Variants in PLPPR2 observed in about 807,000 individuals in gnomAD.
PLPPR2 encodes phospholipid phosphatase related 2.
PLPPR2 carries 11 observed loss-of-function variants against 40.3 expected under a neutral mutation model. The ratio of observed to expected loss-of-function variants is 0.27; its 90% CI spans 0.17 to 0.45. PLPPR2 has a LOEUF of 0.45. Among genes scored for constraint, PLPPR2 ranks in the 20% least tolerant of loss-of-function variants. The probability of loss-of-function intolerance (pLI) is 1.00; values close to 1 mark genes in which losing one functional copy is unlikely to be tolerated. For synonymous variants in PLPPR2, 260 were observed against 290.8 expected, an observed-to-expected ratio of 0.89 and a Z score of 1.08; for missense variants, 497 against 640.7, an observed-to-expected ratio of 0.78 and a Z score of 2.42.
Position 11,361,391 on chromosome 19 carries a change from G to A in PLPPR2, c.566G>A (p.Gly189Asp), listed in dbSNP as rs777151482. The change falls in exon 6 of 10, where the codon GGT (glycine) becomes GAT (aspartate). Residue 189 changes from glycine to aspartate, a missense_variant. Physicochemically the swap from Gly to Asp is moderately conservative, Grantham distance 94. Transcript: ENST00000688289. The surrounding 1 kb of genome is among the most constrained non-coding windows in gnomAD (Gnocchi z 6.3). The part of the protein sequence containing the change: ...PGPDRFVTDQ[G>D]ACAGSPSLVA... ...CCCGACCGCTTTGTCACTGACCAGGGTGCCTGCGCTGGCAGTCCCAGCCTC... is the reference window on the plus strand; with the variant it reads ...CCCGACCGCTTTGTCACTGACCAGGATGCCTGCGCTGGCAGTCCCAGCCTC... The A allele has an allele frequency of 6.2e-7, 1 of 1,610,582 alleles. No homozygotes were observed. The highest frequency in any genetic ancestry group is 1.1e-5 in the South Asian group (1 of 91,080).
At position 11,362,738 on chromosome 19, in the gene PLPPR2, TC is replaced by T; in HGVS notation, c.840+50del. 1 of 1,578,690 alleles carries T rather than the reference TC, an allele frequency of 6.3e-7. No individual in the cohort carries two copies. The highest frequency in any genetic ancestry group is 8.6e-7 in the Non-Finnish European group (1 of 1,160,326). On this transcript the variant is annotated intron_variant, in intron 7 of 9. Coordinates refer to ENST00000688289, the MANE Select transcript of PLPPR2 (RefSeq NM_001393892.1). This position sits in a 1 kb window ranked among gnomAD's most constrained non-coding sequence, Gnocchi z 5.3. ...CAGCATGGAAGACCCTCACCAGCTC[TC>T]TGACCCAAGAGGCAGGACCACATGA... is the stretch of plus-strand genomic sequence containing the variant.
rs1164607227 is a variant in PLPPR2, at chr19:11,362,399, GCCACTCCCT to G, written c.664-110_664-102del. On this transcript the variant is annotated intron_variant, in intron 6 of 9. Transcript: ENST00000688289. This position sits in a 1 kb window ranked among gnomAD's most constrained non-coding sequence, Gnocchi z 5.3. ...CATGACTCCAACCCTGGAGCCCCTG[GCCACTCCCT>G]CCAGCCCCAACGCTCTGGCCATGCG... The G allele has an allele frequency of 7.5e-7, 1 of 1,332,850 alleles. No homozygotes were observed. The highest frequency in any genetic ancestry group is 1.0e-6 in the Non-Finnish European group (1 of 956,540). The allele number at this position is 1,332,850 out of a possible 1,614,324, so 82.6% of individuals were successfully genotyped here.
chr19:11,364,810 T>C lies in PLPPR2; in HGVS notation c.*120T>C, dbSNP rs1968151100. ...CCCCAAGCCAGCCAGACCCAGACAT[T>C]AGAAGATGGCTAGAAGGACATTTAG... On this transcript the variant is annotated 3_prime_UTR_variant, in exon 10 of 10. Transcript: ENST00000688289. This position sits in a 1 kb window ranked among gnomAD's most constrained non-coding sequence, Gnocchi z 5.8. 1.8e-6 allele frequency: 2 copies of C among 1,133,738 alleles called. No homozygotes were observed. Among genetic ancestry groups the C allele is most frequent in the Non-Finnish European group, 2.5e-6 (2 of 799,962 alleles). 70.2% of individuals were successfully genotyped at this position (1,133,738 alleles called of 1,614,324 possible).
In PLPPR2 at chr19:11,359,946, C is replaced by A. The variant is rs201158510; in HGVS notation, c.381C>A (p.Val127=). The change falls in exon 5 of 10, where the codon GTC becomes GTA. Residue 127 remains valine, a synonymous_variant. Transcript: ENST00000688289. This position sits in a 1 kb window ranked among gnomAD's most constrained non-coding sequence, Gnocchi z 5.6. ...TCAGCCCCCCAGTGCGGAGGCTGGT[C>A]CGCTTCCTGGGTGAGAGACATGGCC... ...CRFSPPVRRL[V]RFLGVYSFGL... is the part of the protein sequence containing the mutation. 2 of 1,605,722 alleles carry A rather than the reference C, an allele frequency of 1.2e-6. No individual in the cohort carries two copies. Among genetic ancestry groups the A allele is most frequent in the Admixed American group, 1.7e-5 (1 of 59,750 alleles).
In PLPPR2 at chr19:11,365,035, G is replaced by T; in HGVS notation, c.*345G>T. 1 of 337,916 alleles carries T rather than the reference G, an allele frequency of 3.0e-6. No individual in the cohort carries two copies. The highest frequency in any genetic ancestry group is 5.4e-6 in the Non-Finnish European group (1 of 184,294). The allele number at this position is 337,916 out of a possible 1,614,324, so 20.9% of individuals were successfully genotyped here. On this transcript the variant is annotated 3_prime_UTR_variant, in exon 10 of 10. Transcript: ENST00000688289. Reference sequence around the variant, plus strand: ...ATGGGAGCCTTCCCCTCACTTCTTAGAATCCTCCTGCAAGAGGGCAACTCC... The same window carrying T: ...ATGGGAGCCTTCCCCTCACTTCTTATAATCCTCCTGCAAGAGGGCAACTCC...
rs1000754772 is a variant in PLPPR2 at position 11,357,695 on chromosome 19, C to T, written c.22C>T (p.Leu8=). The T allele has an allele frequency of 6.2e-7, 1 of 1,607,516 alleles. No homozygotes were observed. The highest frequency in any genetic ancestry group is 8.5e-7 in the Non-Finnish European group (1 of 1,176,678). MAGGRPH[L]KRSFSIIPCF... ...CACCATGGCGGGAGGGAGACCGCAT[C>T]TGAAGAGGAGTTTCTCCATCATCCC... Residue 8 remains leucine, a synonymous_variant, in exon 3 of 10, where the codon CTG becomes TTG. Coordinates refer to ENST00000688289, the MANE Select transcript of PLPPR2 (RefSeq NM_001393892.1).
At chr19:11,360,024 A>G (rs776901643) in intron 5 of PLPPR2, 68 bp downstream of exon 5, 130 of 1,505,134 alleles carry the variant, frequency 8.6e-5, no homozygotes, top group Non-Finnish European at 1.1e-4. Context: ...GAAAAGAGTC[A>G]TGGGCCTGAC....
Position 11,364,261 on chromosome 19 carries a change from C to T in PLPPR2, c.1015+49C>T. The T allele has an allele frequency of 6.3e-7, 1 of 1,584,004 alleles. No homozygotes were observed. On this transcript the variant is annotated intron_variant, in intron 9 of 9. Transcript: ENST00000688289. This position sits in a 1 kb window ranked among gnomAD's most constrained non-coding sequence, Gnocchi z 5.8. ...CTAAACAGGGGGACTTCCAGGTGGGCAGCCACTGCCCCAGAGGTCTCACCT... is the reference window on the plus strand; with the variant it reads ...CTAAACAGGGGGACTTCCAGGTGGGTAGCCACTGCCCCAGAGGTCTCACCT...
Position 11,358,272 on chromosome 19 carries a change from T to C in PLPPR2, c.66+533T>C, listed in dbSNP as rs555133891. 3.6e-3 allele frequency among the ~76,000 whole-genome samples: 547 copies of C among 152,192 alleles called. 3 individuals are homozygous for C. Among genetic ancestry groups the C allele is most frequent in the Middle Eastern group, 6.8e-3 (2 of 294 alleles). ...GATTTCAACATGTTGGCCAGGATGG[T>C]CTGGAACTCCTGACCTCAAGCAATC... On this transcript the variant is annotated intron_variant, in intron 3 of 9. Transcript: ENST00000688289.
At position 11,363,658 on chromosome 19, in the gene PLPPR2, T is replaced by C. The variant is rs1329731669; in HGVS notation, c.841-55T>C. 1.3e-6 allele frequency: 2 copies of C among 1,544,142 alleles called. No homozygotes were observed. Among genetic ancestry groups the C allele is most frequent in the Non-Finnish European group, 1.8e-6 (2 of 1,141,046 alleles). On this transcript the variant is annotated intron_variant, in intron 7 of 9. Transcript: ENST00000688289. The surrounding 1 kb of genome is among the most constrained non-coding windows in gnomAD (Gnocchi z 4.8). ...CTGAAAAATGGGGATGGTATTTACA[T>C]GGCTCCTATGTGACTTGCCCCAGGC...
In PLPPR2 at chr19:11,364,559, C is replaced by T. The variant is rs922448917; in HGVS notation, c.1228C>T (p.Arg410Cys). ...TGGGGGGCCAGGCGGGGGTGGTGGA[C>T]GTGGCCGGAAGCTGCTGCTGCCCAC... ...GPGGPGGGGG[R>C]GRKLLLPTPL... Residue 410 changes from arginine to cysteine, a missense_variant, in exon 10 of 10, where the codon CGT becomes TGT. Arg to Cys is a radical substitution (Grantham distance 180). Coordinates refer to ENST00000688289, the MANE Select transcript of PLPPR2 (RefSeq NM_001393892.1). The surrounding 1 kb of genome is among the most constrained non-coding windows in gnomAD (Gnocchi z 5.8). The T allele has an allele frequency of 1.2e-5, 18 of 1,536,676 alleles. No individual in the cohort carries two copies. The African/African-American group carries it at 1.6e-4, about 14-fold the overall frequency.
At position 11,359,449 on chromosome 19, in the gene PLPPR2, ATC is replaced by A; in HGVS notation, c.67-79_67-78del. On this transcript the variant is annotated intron_variant, in intron 3 of 9. Coordinates refer to ENST00000688289, the MANE Select transcript of PLPPR2 (RefSeq NM_001393892.1). This position sits in a 1 kb window ranked among gnomAD's most constrained non-coding sequence, Gnocchi z 5.6. ...CTAACCCATGTTTCTCCATCTCTGTATCTCTGCCTCTGTGGCCTCAGCTGGAG... is the reference window on the plus strand; with the variant it reads ...CTAACCCATGTTTCTCCATCTCTGTATCTGCCTCTGTGGCCTCAGCTGGAG... The A allele has an allele frequency of 1.5e-6, 2 of 1,295,304 alleles. No homozygotes were observed. The highest frequency in any genetic ancestry group is 2.1e-6 in the Non-Finnish European group (2 of 964,340). The allele number at this position is 1,295,304 out of a possible 1,614,324, so 80.2% of individuals were successfully genotyped here. A position where few individuals can be genotyped will look rare whatever the true frequency, so the allele number is the denominator to read the frequency against.
Position 11,364,496 on chromosome 19 carries a change from AC to A in PLPPR2, c.1170del (p.Ser391AlafsTer37). 2.0e-6 allele frequency: 3 copies of A among 1,517,600 alleles called. No individual in the cohort carries two copies. The highest frequency in any genetic ancestry group is 2.5e-5 in the East Asian group (1 of 40,800). The allele number at this position is 1,517,600 out of a possible 1,614,324, so 94.0% of individuals were successfully genotyped here. A position where few individuals can be genotyped will look rare whatever the true frequency, so the allele number is the denominator to read the frequency against. On this transcript the variant is annotated frameshift_variant, in exon 10 of 10. Transcript: ENST00000688289. LOFTEE classifies it high-confidence loss of function. This position sits in a 1 kb window ranked among gnomAD's most constrained non-coding sequence, Gnocchi z 5.8. ...LPLPLPLPAP[T>X]PSQGPSPSSP... ...CCTGCCCCTACCCCTGCCAGCGCCC[AC>A]CCCCAGCCAGGGCCCCTCGCCTTCC...
In PLPPR2 at chr19:11,359,708, G is replaced by C. The variant is rs375630721; in HGVS notation, c.243G>C (p.Gly81=). The C allele has an allele frequency of 6.3e-7, 1 of 1,594,312 alleles. No homozygotes were observed. Among genetic ancestry groups the C allele is most frequent in the African/African-American group, 1.3e-5 (1 of 74,608 alleles). ...PALVYALVTA[G]PTLTILLGEL... ...TTGTCTACGCACTGGTCACTGCCGG[G>C]CCCACCCTCACGGTGAGACAATGAA... Residue 81 remains glycine, a synonymous_variant, in exon 4 of 10, where the codon GGG becomes GGC. Transcript: ENST00000688289. The surrounding 1 kb of genome is among the most constrained non-coding windows in gnomAD (Gnocchi z 5.6).
In PLPPR2 at chr19:11,364,641, G is replaced by A. The variant is rs907378535; in HGVS notation, c.1310G>A (p.Arg437Gln). Residue 437 changes from arginine (R) to glutamine (Q), a missense_variant, in exon 10 of 10, where the codon CGG (arginine) becomes CAG (glutamine). Physicochemically the swap from Arg to Gln is conservative, Grantham distance 43. Coordinates refer to ENST00000688289, the MANE Select transcript of PLPPR2 (RefSeq NM_001393892.1). This position sits in a 1 kb window ranked among gnomAD's most constrained non-coding sequence, Gnocchi z 5.8. The stretch of plus-strand genomic sequence containing the variant: ...GGACTCTATCCCTCCCCCTTCCACC[G>A]GGACAACTTCAGCCCTTACCTGTTT... ...LSGLYPSPFH[R>Q]DNFSPYLFAS... 5 of 1,537,080 alleles carry A rather than the reference G, an allele frequency of 3.3e-6. No individual in the cohort carries two copies. The highest frequency in any genetic ancestry group is 4.4e-6 in the Non-Finnish European group (5 of 1,146,860).
Position 11,359,872 on chromosome 19 carries a change from G to T in PLPPR2, c.307G>T (p.Val103Phe), listed in dbSNP as rs372792026. 1.2e-6 allele frequency: 2 copies of T among 1,613,820 alleles called. No homozygotes were observed. The highest frequency in any genetic ancestry group is 2.2e-5 in the South Asian group (2 of 91,036). ...RAFFPAPPSA[V>F]PVIGESTIVS... ...CTTTTTCCCTGCACCACCTTCAGCC[G>T]TCCCAGTCATCGGGGAGAGCACCAT... Residue 103 changes from valine (V) to phenylalanine (F), a missense_variant, in exon 5 of 10, where the codon GTC becomes TTC. Transcript: ENST00000688289. This position sits in a 1 kb window ranked among gnomAD's most constrained non-coding sequence, Gnocchi z 5.6.
chr19:11,358,659 C>G (rs1967958880), intron 3 of PLPPR2, among the ~76,000 whole-genome samples: 1 of 148,798 alleles, frequency 6.7e-6, no homozygotes, highest in South Asian at 2.1e-4. Context: ...TGGCTTTCCT[C>G]TCTCTCTGTT....
Position 11,359,483 on chromosome 19 carries a change from C to CCT in PLPPR2, c.67-42_67-41dup. 1 of 1,488,618 alleles carries CCT rather than the reference C, an allele frequency of 6.7e-7. No individual in the cohort carries two copies. The highest frequency in any genetic ancestry group is 1.4e-5 in the African/African-American group (1 of 71,066). 92.2% of individuals were successfully genotyped at this position (1,488,618 alleles called of 1,614,324 possible). A position where few individuals can be genotyped will look rare whatever the true frequency, so the allele number is the denominator to read the frequency against. Reference sequence around the variant, plus strand: ...TCTGTGGCCTCAGCTGGAGTCCTGACCTCTCTCTTCTCTCTCCGCCACCTC... The same window carrying CCT: ...TCTGTGGCCTCAGCTGGAGTCCTGACCTCTCTCTCTTCTCTCTCCGCCACCTC... On this transcript the variant is annotated intron_variant, in intron 3 of 9. Transcript: ENST00000688289. The surrounding 1 kb of genome is among the most constrained non-coding windows in gnomAD (Gnocchi z 5.6).
At position 11,356,664 on chromosome 19, in the gene PLPPR2, TTGTG is replaced by T. The variant is rs66994507; in HGVS notation, c.-189-111_-189-108del. 8.2e-5 allele frequency: 12 copies of T among 146,038 alleles called. No individual in the cohort carries two copies. In the South Asian group the frequency reaches 8.9e-4, roughly 11 times the overall value. 9.0% of individuals were successfully genotyped at this position (146,038 alleles called of 1,614,324 possible). A position where few individuals can be genotyped will look rare whatever the true frequency, so the allele number is the denominator to read the frequency against. ...GGGATGGGTGAACGCTATGCCATGGTTGTGTGTGTGTGTGTGTGTGTGTGTGTGT... is the reference window on the plus strand; with the variant it reads ...GGGATGGGTGAACGCTATGCCATGGTTGTGTGTGTGTGTGTGTGTGTGTGT... On this transcript the variant is annotated intron_variant, in intron 1 of 9. Transcript: ENST00000688289.
Sources: allele counts gnomAD v4.1 joint callset (sites outside exome capture counted in the v4.1 genomes callset), GRCh38; gene constraint gnomAD v4.1.1; non-coding constraint Gnocchi (gnomAD v3.1); transcripts MANE v1.5; gene names NCBI Gene and HGNC (gene_info 2026-07-23, HGNC 2026-07-21).